Variants in GLCE observed in about 807,000 individuals in gnomAD.
GLCE encodes the protein D-glucuronyl C5-epimerase.
In GLCE, 19 loss-of-function variants were observed where a neutral mutation model predicts 47.9. The observed-to-expected ratio is 0.40, with a 90% CI of 0.28 to 0.58. The LOEUF (loss-of-function observed/expected upper bound fraction) is 0.58. Ranked by LOEUF, GLCE falls within the 20% of genes least tolerant of loss-of-function variation. The probability of loss-of-function intolerance (pLI) is 0.48; values close to 1 mark genes in which losing one functional copy is unlikely to be tolerated. For missense variants in GLCE, 556 were observed against 743.3 expected, an observed-to-expected ratio of 0.75 and a Z score of 2.93; for synonymous variants, 245 against 263.4, an observed-to-expected ratio of 0.93 and a Z score of 0.68.
At chr15:69,201,651 A>C (rs2052077685) in intron 1 of GLCE, among the ~76,000 whole-genome samples, 1 of 149,038 alleles carries the variant, frequency 6.7e-6, no homozygotes, top group African/African-American at 2.5e-5. Context: ...TACTGTTAAC[A>C]AAGGCTTACT....
intron 2 of GLCE, among the ~76,000 whole-genome samples, chr15:69,227,691 A>G (rs997785834): frequency 9.2e-5 from 14 of 152,304 alleles, no homozygotes; most frequent in Non-Finnish European, 1.9e-4. Context: ...TGATAATTTC[A>G]ATTTTGTTCT....
chr15:69,228,214 A>G (rs2052475682), intron 2 of GLCE, among the ~76,000 whole-genome samples: 1 of 152,226 alleles, frequency 6.6e-6, no homozygotes, highest in African/African-American at 2.4e-5. Flanking sequence ...TGTCAAAACC[A>G]GTATGTATGG....
At chr15:69,183,149 C>T (rs1175417905) in intron 1 of GLCE, among the ~76,000 whole-genome samples, 1 of 152,064 alleles carries the variant, frequency 6.6e-6, no homozygotes, top group Non-Finnish European at 1.5e-5. Context: ...GGCAGAACTT[C>T]CTTTCTGATA....
chr15:69,232,260 T>C (rs1056015960), intron 2 of GLCE, among the ~76,000 whole-genome samples: 1 of 152,230 alleles, frequency 6.6e-6, no homozygotes, highest in African/African-American at 2.4e-5. Flanking sequence ...TAGGAGAGTA[T>C]GGTAGAATAG....
intron 2 of GLCE, among the ~76,000 whole-genome samples, chr15:69,247,330 CT>C (rs1374971694): frequency 6.6e-6 from 1 of 152,232 alleles, no homozygotes; most frequent in Non-Finnish European, 1.5e-5. Flanking sequence ...TAGCTTCCAA[CT>C]TTTCTTCTGC....
rs186142334 is a variant in GLCE at position 69,209,849 on chromosome 15, C to A, written c.-104-467C>A. Among the ~76,000 whole-genome samples, 134 of 152,180 alleles carry A rather than the reference C, an allele frequency of 8.8e-4. 1 individual carries two copies. The highest frequency in any genetic ancestry group is 1.5e-3 in the Non-Finnish European group (103 of 67,990). ...GGGATTCACCACATCCTCTTGGGAC[C>A]ACAGCTTCTGTGATCAGAGAGGTAG... On this transcript the variant is annotated intron_variant, in intron 1 of 4. Transcript: ENST00000261858.
rs139319872 is a variant in GLCE at position 69,178,691 on chromosome 15, A to G, written c.-105+17934A>G. 4.8e-4 allele frequency among the ~76,000 whole-genome samples: 73 copies of G among 152,268 alleles called. 1 individual carries two copies. The highest frequency in any genetic ancestry group is 1.7e-3 in the African/African-American group (71 of 41,560). On this transcript the variant is annotated intron_variant, in intron 1 of 4. Coordinates refer to ENST00000261858, the MANE Select transcript of GLCE (RefSeq NM_015554.3). ...CACAACACTGGCAAAGATATCTAGA[A>G]TCACTGTTATATACTGTAGGCAGGA... is the stretch of plus-strand genomic sequence containing the variant.
chr15:69,216,962 A>G (rs1291063489), intron 2 of GLCE, among the ~76,000 whole-genome samples: 2 of 152,234 alleles, frequency 1.3e-5, no homozygotes, highest in South Asian at 2.1e-4. Flanking sequence ...TAACTTTAGT[A>G]TTAGAAGTCA....
intron 1 of GLCE, among the ~76,000 whole-genome samples, chr15:69,163,005 A>T (rs2051448219): frequency 6.6e-6 from 1 of 152,208 alleles, no homozygotes; most frequent in South Asian, 2.1e-4. Context: ...GGAATCCCGC[A>T]CAGCAATATT....
At chr15:69,164,773 A>C (rs989547930) in intron 1 of GLCE, among the ~76,000 whole-genome samples, 1 of 152,132 alleles carries the variant, frequency 6.6e-6, no homozygotes, top group Non-Finnish European at 1.5e-5. Context: ...ATATAGATTC[A>C]TGAAGGTGAG....
intron 1 of GLCE, among the ~76,000 whole-genome samples, chr15:69,163,964 C>G (rs1371369931): frequency 6.6e-6 from 1 of 151,860 alleles, no homozygotes. Context: ...AAGACACAGA[C>G]CTAAGTAAAA....
intron 1 of GLCE, chr15:69,196,552 G>T: frequency 5.6e-6 from 1 of 178,536 alleles, no homozygotes. Flanking sequence ...AAGGTACAGT[G>T]CAGTGGTGGT....
At chr15:69,176,934 G>C (rs145138412) in intron 1 of GLCE, among the ~76,000 whole-genome samples, 197 of 152,118 alleles carry the variant, frequency 1.3e-3, no homozygotes, top group African/African-American at 4.7e-3. Context: ...TTGAGACTTA[G>C]AGTAGAATCA....
At chr15:69,267,437 A>G (rs566213952) in intron 4 of GLCE, among the ~76,000 whole-genome samples, 2 of 152,350 alleles carry the variant, frequency 1.3e-5, no homozygotes, top group South Asian at 4.1e-4. Flanking sequence ...TTAAACTCCA[A>G]AGCCTGAGCT....
rs2053125442 is a variant in GLCE, at chr15:69,268,965, T to C, written c.1575T>C (p.Thr525=). The stretch of plus-strand genomic sequence containing the variant: ...TTGGGCTGTATGACTTAAAAGAAAC[T>C]GCAGGGGAAAAACTCGGAAAAGAAG... The part of the protein sequence containing the change: ...SLIGLYDLKE[T]AGEKLGKEAR... Residue 525 remains threonine (T), a synonymous_variant, in exon 5 of 5, where the codon ACT becomes ACC. Transcript: ENST00000261858. 1 of 1,614,190 alleles carries C rather than the reference T, an allele frequency of 6.2e-7. No homozygotes were observed. Among genetic ancestry groups the C allele is most frequent in the Middle Eastern group, 1.6e-4 (1 of 6,062 alleles).
intron 1 of GLCE, among the ~76,000 whole-genome samples, chr15:69,182,937 T>A (rs1209923923): frequency 6.6e-6 from 1 of 151,916 alleles, no homozygotes; most frequent in Non-Finnish European, 1.5e-5. Context: ...ATCACTTGAG[T>A]CCAGTGAGCT....
intron 1 of GLCE, among the ~76,000 whole-genome samples, chr15:69,180,017 A>T (rs1323480504): frequency 6.6e-6 from 1 of 151,770 alleles, no homozygotes; most frequent in Non-Finnish European, 1.5e-5. Context: ...GTGCCAAAAG[A>T]ACGTATTTAT....
At chr15:69,210,957 G>A (rs1360975338) in intron 2 of GLCE, among the ~76,000 whole-genome samples, 2 of 152,084 alleles carry the variant, frequency 1.3e-5, no homozygotes, top group Non-Finnish European at 2.9e-5. Flanking sequence ...GAAAACTGAA[G>A]CAGGGTATCT....
At chr15:69,263,515 G>A (rs2053042939) in intron 4 of GLCE, among the ~76,000 whole-genome samples, 1 of 151,844 alleles carries the variant, frequency 6.6e-6, no homozygotes, top group Admixed American at 6.6e-5. Flanking sequence ...ATATGGGTCT[G>A]CAGCATATTT....
Sources: allele counts gnomAD v4.1 joint callset (sites outside exome capture counted in the v4.1 genomes callset), GRCh38; gene constraint gnomAD v4.1.1; transcripts MANE v1.5; gene names NCBI Gene and HGNC (gene_info 2026-07-23, HGNC 2026-07-21).